Variants in NRCAM observed in about 807,000 individuals in gnomAD.
NRCAM encodes the protein neuronal cell adhesion molecule.
In NRCAM, 83 loss-of-function variants were observed where a neutral mutation model predicts 156.5. That is an observed-to-expected ratio of 0.53 (90% CI 0.44 to 0.64). The LOEUF (loss-of-function observed/expected upper bound fraction) is 0.64, where lower values mean the gene tolerates loss of function less well. Ranked by LOEUF, NRCAM falls within the 30% of genes least tolerant of loss-of-function variation. The pLI is 0.00. For missense variants in NRCAM, 1,417 were observed against 1,597.3 expected, an observed-to-expected ratio of 0.89 and a Z score of 1.92; for synonymous variants, 538 against 563.9, an observed-to-expected ratio of 0.95 and a Z score of 0.65.
At chr7:108,175,032 T>C (rs932594840) in intron 28 of NRCAM, among the ~76,000 whole-genome samples, 10 of 152,192 alleles carry the variant, frequency 6.6e-5, no homozygotes, top group African/African-American at 2.4e-4. Context: ...CTGTGACAAA[T>C]ACACAGTTTT....
intron 2 of NRCAM, among the ~76,000 whole-genome samples, chr7:108,330,765 A>G (rs1461819922): frequency 6.6e-6 from 1 of 152,100 alleles, no homozygotes; most frequent in African/African-American, 2.4e-5. Context: ...TCCAAAATGT[A>G]ATTTGGGGTA....
chr7:108,448,758 A>G lies in NRCAM; in HGVS notation c.-332+7485T>C, dbSNP rs142666493. ...CATATGAAAAACTTCGAGAGTAAATATAAGAGTGATGGACTCCCACCGGGA... is the reference window on the plus strand; with the variant it reads ...CATATGAAAAACTTCGAGAGTAAATGTAAGAGTGATGGACTCCCACCGGGA... On this transcript the variant is annotated intron_variant, in intron 1 of 32. Transcript: ENST00000379028. 6.7e-4 allele frequency among the ~76,000 whole-genome samples: 102 copies of G among 152,324 alleles called. No homozygotes were observed. In the East Asian group the frequency reaches 0.017, roughly 26 times the overall value.
chr7:108,190,899 AATG>A (rs35351379), intron 19 of NRCAM, among the ~76,000 whole-genome samples: 87,105 of 151,876 alleles, frequency 0.57, 29,575 homozygotes, highest in East Asian at 0.82. Context: ...TAATTTGTAG[AATG>A]ATATTAGAAA....
chr7:108,180,091 G>C (rs1335817857), intron 25 of NRCAM, 132 bp downstream of exon 25: 1 of 717,304 alleles, frequency 1.4e-6, no homozygotes, highest in Non-Finnish European at 2.3e-6. Context: ...TGTGTGTGCT[G>C]TATTCATCTA....
At chr7:108,415,475 G>T (rs1800402575) in intron 1 of NRCAM, among the ~76,000 whole-genome samples, 1 of 152,222 alleles carries the variant, frequency 6.6e-6, no homozygotes. Flanking sequence ...TCAAAAGGGG[G>T]CTTAGATCTG....
chr7:108,386,623 A>G (rs982078969), intron 2 of NRCAM, among the ~76,000 whole-genome samples: 2 of 152,166 alleles, frequency 1.3e-5, no homozygotes, highest in Non-Finnish European at 2.9e-5. Flanking sequence ...GTAAGATTGA[A>G]AACTATGATA....
At chr7:108,352,364 C>G (rs890719591) in intron 2 of NRCAM, among the ~76,000 whole-genome samples, 4 of 152,156 alleles carry the variant, frequency 2.6e-5, no homozygotes, top group Non-Finnish European at 5.9e-5. Flanking sequence ...TATGCATAAT[C>G]TAATCAAAGA....
chr7:108,383,885 A>G (rs990256542), intron 2 of NRCAM, among the ~76,000 whole-genome samples: 5 of 152,162 alleles, frequency 3.3e-5, no homozygotes, highest in African/African-American at 9.7e-5. Context: ...CCTACTCTGA[A>G]AAATGACCAT....
chr7:108,177,659 A>ACG (rs2061339931), intron 26 of NRCAM, among the ~76,000 whole-genome samples: 1 of 17,746 alleles, frequency 5.6e-5, no homozygotes, highest in African/African-American at 9.4e-5. Context: ...ATATATATAT[A>ACG]TGTATATACG....
Position 108,184,293 on chromosome 7 carries a change from G to A in NRCAM, c.2252C>T (p.Thr751Ile). The A allele has an allele frequency of 6.2e-7, 1 of 1,614,140 alleles. No homozygotes were observed. Among genetic ancestry groups the A allele is most frequent in the South Asian group, 1.1e-5 (1 of 91,086 alleles). Reference sequence around the variant, plus strand: ...CTCTGATCCCAGTCCTTCCACAGCTGTGGGGTTTTTATCTGGTTCTGGAAG... The same window carrying A: ...CTCTGATCCCAGTCCTTCCACAGCTATGGGGTTTTTATCTGGTTCTGGAAG... ...TKASEPDKNPTAVEGLGSEPD... is the reference protein window; with the variant it reads ...TKASEPDKNPIAVEGLGSEPD... Residue 751 changes from threonine (T) to isoleucine (I), a missense_variant, in exon 22 of 33, where the codon ACA becomes ATA. Physicochemically the swap from Thr to Ile is moderately conservative, Grantham distance 89. This residue lies in a region of NRCAM where 1,238 missense variants were observed against 1,336.4 expected (regional missense o/e 0.93). Transcript: ENST00000379028.
At chr7:108,248,988 T>C (rs182428490) in intron 3 of NRCAM, among the ~76,000 whole-genome samples, 31 of 152,216 alleles carry the variant, frequency 2.0e-4, no homozygotes, top group African/African-American at 7.0e-4. Flanking sequence ...ATGGGCTGTG[T>C]GGGTGCTAGC....
chr7:108,237,868 C>T, intron 4 of NRCAM, 99 bp from the exon 5 acceptor site: 1 of 819,172 alleles, frequency 1.2e-6, no homozygotes, highest in Non-Finnish European at 1.8e-6. Flanking sequence ...ATAAAGGGGG[C>T]ATCTTGTCTA....
In NRCAM at chr7:108,210,248, G is replaced by GT. The variant is rs1420152007; in HGVS notation, c.891-644dup. Reference sequence around the variant, plus strand: ...CATACCATTTGTCACCCAATGTTTTGTTTTGTTTTTTTTTTTGAGATGGAG... The same window carrying GT: ...CATACCATTTGTCACCCAATGTTTTGTTTTTGTTTTTTTTTTTGAGATGGAG... On this transcript the variant is annotated intron_variant, in intron 11 of 32. Coordinates refer to ENST00000379028, the MANE Select transcript of NRCAM (RefSeq NM_001037132.4). Among the ~76,000 whole-genome samples, 9 of 88,364 alleles carry GT rather than the reference G, an allele frequency of 1.0e-4. 1 individual carries two copies. Among genetic ancestry groups the GT allele is most frequent in the African/African-American group, 3.1e-4 (8 of 25,846 alleles). The allele number at this position is 88,364 out of a possible 152,430, so 58.0% of individuals were successfully genotyped here.
At chr7:108,239,250 C>T (rs2095365016) in intron 4 of NRCAM, among the ~76,000 whole-genome samples, 1 of 152,118 alleles carries the variant, frequency 6.6e-6, no homozygotes, top group Non-Finnish European at 1.5e-5. Context: ...AAATGGAGGG[C>T]TAATACAGTA....
At chr7:108,308,040 T>A (rs2098744534) in intron 3 of NRCAM, among the ~76,000 whole-genome samples, 1 of 152,214 alleles carries the variant, frequency 6.6e-6, no homozygotes, top group South Asian at 2.1e-4. Flanking sequence ...TAGGTTATGT[T>A]GCACAATTAA....
chr7:108,293,216 G>C (rs2098359753), intron 3 of NRCAM, among the ~76,000 whole-genome samples: 1 of 152,052 alleles, frequency 6.6e-6, no homozygotes, highest in Non-Finnish European at 1.5e-5. Context: ...TCATAGGCCT[G>C]ACCCCAACTG....
At chr7:108,349,184 T>C (rs1466141611) in intron 2 of NRCAM, among the ~76,000 whole-genome samples, 2 of 152,202 alleles carry the variant, frequency 1.3e-5, no homozygotes, top group African/African-American at 2.4e-5. Flanking sequence ...GTATTGTTAT[T>C]ACTGCTCTGA....
At chr7:108,181,640 C>T (rs1448656283) in intron 24 of NRCAM, among the ~76,000 whole-genome samples, 182 bp downstream of exon 24, 1 of 148,204 alleles carries the variant, frequency 6.7e-6, no homozygotes, top group Non-Finnish European at 1.5e-5. Context: ...ATTTTGGATG[C>T]AGTGAGATTT....
intron 2 of NRCAM, among the ~76,000 whole-genome samples, chr7:108,338,551 T>TGA (rs111958591): frequency 7.5e-4 from 110 of 146,550 alleles, no homozygotes; most frequent in Non-Finnish European, 1.2e-3. Context: ...GAGAGGAAAG[T>TGA]GAGAGAGAGA....
Sources: allele counts gnomAD v4.1 joint callset (sites outside exome capture counted in the v4.1 genomes callset), GRCh38; gene constraint gnomAD v4.1.1; regional missense constraint gnomAD v4.1.1; transcripts MANE v1.5; gene names NCBI Gene and HGNC (gene_info 2026-07-23, HGNC 2026-07-21).